The following DIAPH1 variants were observed in gnomAD, a reference collection of about 807,000 sequenced individuals.
DIAPH1 encodes the protein diaphanous related formin 1, also known as protein diaphanous homolog 1.
DIAPH1 carries 46 observed loss-of-function variants against 140.7 expected under a neutral mutation model. The observed-to-expected ratio is 0.33, with a 90% CI of 0.26 to 0.42. DIAPH1 has a LOEUF of 0.42. DIAPH1 is among the 10% of genes least tolerant of loss of function. The pLI is 1.00. For missense variants in DIAPH1, 1,310 were observed against 1,558.7 expected, an observed-to-expected ratio of 0.84 and a Z score of 2.69; for synonymous variants, 565 against 551.6, an observed-to-expected ratio of 1.02 and a Z score of -0.34.
In DIAPH1 at chr5:141,573,854, G is replaced by GT; in HGVS notation, c.1995dup (p.Pro666ThrfsTer21). On this transcript the variant is annotated frameshift_variant, in exon 16 of 28. Coordinates refer to ENST00000389054, the MANE Select transcript of DIAPH1 (RefSeq NM_005219.5). LOFTEE classifies it high-confidence loss of function. ...GCAGTACCTCCAGGCAAAGAAGAGG[G>GT]TGAAGGGATGCCAACACCCTCAGGC... 6.5e-7 allele frequency: 1 copy of GT among 1,532,344 alleles called. No homozygotes were observed. Among genetic ancestry groups the GT allele is most frequent in the Non-Finnish European group, 8.8e-7 (1 of 1,137,748 alleles). 94.9% of individuals were successfully genotyped at this position (1,532,344 alleles called of 1,614,324 possible).
intron 27 of DIAPH1, chr5:141,518,877 C>G: frequency 6.8e-7 from 1 of 1,465,244 alleles, no homozygotes; most frequent in South Asian, 1.2e-5. Context: ...CCCAGAGCTA[C>G]TGTTTTCATC....
rs1311125734 is a variant in DIAPH1 at position 141,575,132 on chromosome 5, T to C, written c.1476A>G (p.Leu492=). The change falls in exon 15 of 28, where the codon TTA becomes TTG. Residue 492 remains leucine, a synonymous_variant. Transcript: ENST00000389054. The part of the protein sequence containing the change: ...AELEKKLDSE[L]TARHELQVEM... ...CCACCTGTAGCTCATGTCGGGCTGTTAACTCTGAGTCCAACTAGAGAAAAA... is the reference window on the plus strand; with the variant it reads ...CCACCTGTAGCTCATGTCGGGCTGTCAACTCTGAGTCCAACTAGAGAAAAA... 1.9e-6 allele frequency: 3 copies of C among 1,614,098 alleles called. No homozygotes were observed. Among genetic ancestry groups the C allele is most frequent in the South Asian group, 1.1e-5 (1 of 91,092 alleles).
At chr5:141,591,695 G>GATAGATATATATATATATAT (rs1554210985) in intron 1 of DIAPH1, among the ~76,000 whole-genome samples, 2 of 86,326 alleles carry the variant, frequency 2.3e-5, no homozygotes, top group African/African-American at 5.7e-5. Context: ...GGGAGATGGG[G>GATAGATATATATATATATAT]ATATATATAT....
chr5:141,547,763 T>C (rs373602565), intron 18 of DIAPH1, among the ~76,000 whole-genome samples: 10 of 151,894 alleles, frequency 6.6e-5, no homozygotes, highest in African/African-American at 2.4e-4. Context: ...GAAGAGAAAA[T>C]AGTTGTGTAT....
In DIAPH1 at chr5:141,547,205, C is replaced by G. The variant is rs375799540; in HGVS notation, c.2483-12772G>C. 7.9e-5 allele frequency among the ~76,000 whole-genome samples: 12 copies of G among 152,336 alleles called. No homozygotes were observed. The South Asian group carries it at 2.5e-3, about 32-fold the overall frequency. ...AAAAATCTATGAACATTCAGCCAGG[C>G]GCGGTAATCCCGCACTTTGGGAGGC... On this transcript the variant is annotated intron_variant, in intron 18 of 27. Transcript: ENST00000389054.
chr5:141,606,100 C>G (rs1263696910), intron 1 of DIAPH1, among the ~76,000 whole-genome samples: 1 of 152,010 alleles, frequency 6.6e-6, no homozygotes, highest in Admixed American at 6.6e-5. Flanking sequence ...TATTTTGCTT[C>G]TATTGCCAAA....
At chr5:141,534,479 T>C in intron 18 of DIAPH1, 46 bp from the exon 19 acceptor site, 1 of 1,513,922 alleles carries the variant, frequency 6.6e-7, no homozygotes, top group Non-Finnish European at 9.2e-7. Flanking sequence ...GTAAGCCACC[T>C]CTGTGCTTTA....
chr5:141,526,011 G>GC, intron 26 of DIAPH1, 27 bp downstream of exon 26: 1 of 1,613,238 alleles, frequency 6.2e-7, no homozygotes, highest in Non-Finnish European at 8.5e-7. Context: ...TCCTATCTCA[G>GC]CCCATCAACC....
chr5:141,581,281 T>G (rs563219973), intron 7 of DIAPH1, among the ~76,000 whole-genome samples: 1 of 152,340 alleles, frequency 6.6e-6, no homozygotes, highest in African/African-American at 2.4e-5. Flanking sequence ...CATATTACCA[T>G]ATACAGCTTC....
chr5:141,551,761 T>C (rs775390343), intron 18 of DIAPH1, among the ~76,000 whole-genome samples: 2 of 152,174 alleles, frequency 1.3e-5, no homozygotes, highest in African/African-American at 4.8e-5. Flanking sequence ...ATAAAACAAA[T>C]AGAATACAGA....
In DIAPH1 at chr5:141,520,947, C is replaced by A. The variant is rs1457106917; in HGVS notation, c.3661+3196G>T. On this transcript the variant is annotated intron_variant, in intron 27 of 27. Coordinates refer to ENST00000389054, the MANE Select transcript of DIAPH1 (RefSeq NM_005219.5). ...ATGGAGTCTCATTCTGTCACCCAGG[C>A]TGAAGTGCAGTGGCGCAATCTCGGC... 2.0e-5 allele frequency among the ~76,000 whole-genome samples: 3 copies of A among 152,166 alleles called. No individual in the cohort carries two copies. In the East Asian group the frequency reaches 5.8e-4, roughly 29 times the overall value.
In DIAPH1 at chr5:141,528,710, G is replaced by C. The variant is rs757756780; in HGVS notation, c.3010C>G (p.Leu1004Val). ...AGAFGFNISF[L>V]CKLRDTKSTD... is the part of the protein sequence containing the mutation. ...CTACCTCTTTGGCTCACCTTACAGA[G>C]GAAGCTGATATTGAAGCCAAAAGCA... is the stretch of plus-strand genomic sequence containing the variant. Residue 1004 changes from leucine to valine, a missense_variant, in exon 22 of 28, where the codon CTC becomes GTC. Physicochemically the swap from Leu to Val is conservative, Grantham distance 32. Coordinates refer to ENST00000389054, the MANE Select transcript of DIAPH1 (RefSeq NM_005219.5). The C allele has an allele frequency of 1.2e-6, 2 of 1,614,232 alleles. No homozygotes were observed. Among genetic ancestry groups the C allele is most frequent in the South Asian group, 2.2e-5 (2 of 91,084 alleles).
At chr5:141,559,940 TCA>T (rs1336422220) in intron 18 of DIAPH1, among the ~76,000 whole-genome samples, 1 of 152,220 alleles carries the variant, frequency 6.6e-6, no homozygotes, top group Non-Finnish European at 1.5e-5. Flanking sequence ...CATACATCAC[TCA>T]GTTTCAACAG....
intron 1 of DIAPH1, among the ~76,000 whole-genome samples, chr5:141,591,874 G>A (rs1274523106): frequency 1.3e-5 from 2 of 150,072 alleles, no homozygotes; most frequent in South Asian, 2.1e-4. Flanking sequence ...ACGAGATCAG[G>A]AGTTTGAGAC....
intron 27 of DIAPH1, chr5:141,519,077 C>T (rs1048095146): frequency 4.8e-5 from 63 of 1,303,500 alleles, no homozygotes; most frequent in South Asian, 3.9e-4. Flanking sequence ...GGTATGTGCC[C>T]GAGACTGTGG....
chr5:141,575,397 C>T (rs909576403), intron 14 of DIAPH1, among the ~76,000 whole-genome samples: 17 of 152,194 alleles, frequency 1.1e-4, no homozygotes, highest in Non-Finnish European at 2.5e-4. Flanking sequence ...ACCTGTAATC[C>T]CAGCACTTCG....
At chr5:141,614,503 C>T (rs1596415970) in intron 1 of DIAPH1, among the ~76,000 whole-genome samples, 1 of 152,228 alleles carries the variant, frequency 6.6e-6, no homozygotes, top group Admixed American at 6.5e-5. Flanking sequence ...TCACTATTTT[C>T]TTAGCTTTCA....
intron 12 of DIAPH1, 148 bp downstream of exon 12, chr5:141,577,327 C>A: frequency 1.4e-6 from 1 of 731,842 alleles, no homozygotes; most frequent in Non-Finnish European, 2.5e-6. Context: ...AGAAATAAGA[C>A]AACTTCCTTT....
chr5:141,528,376 C>A, intron 23 of DIAPH1, 77 bp downstream of exon 23: 1 of 1,601,942 alleles, frequency 6.2e-7, no homozygotes. Context: ...TGAAAATGCT[C>A]TCACATCTAG....
Sources: gnomAD v4.1 joint callset for allele counts (sites outside exome capture counted in the v4.1 genomes callset) on GRCh38, gnomAD v4.1.1 for gene constraint, MANE v1.5 for transcripts, NCBI Gene and HGNC (gene_info 2026-07-23, HGNC 2026-07-21) for gene names.